AFG1L: variants seen among roughly 807,000 people sequenced by gnomAD.
AFG1L encodes AFG1-like ATPase.
A neutral mutation model predicts 62.2 loss-of-function variants in AFG1L; 53 were observed. The observed-to-expected ratio is 0.85, with a 90% CI of 0.68 to 1.07. AFG1L has a LOEUF of 1.07. AFG1L is among the 50% of genes least tolerant of loss of function. The pLI is 0.00. For missense variants in AFG1L, 555 were observed against 590.5 expected, an observed-to-expected ratio of 0.94 and a Z score of 0.62; for synonymous variants, 228 against 210.3, an observed-to-expected ratio of 1.08 and a Z score of -0.73.
At chr6:108,371,359 T>C (rs1193228705) in intron 6 of AFG1L, among the ~76,000 whole-genome samples, 2 of 152,082 alleles carry the variant, frequency 1.3e-5, no homozygotes, top group Non-Finnish European at 2.9e-5. Flanking sequence ...GGAAAATTGC[T>C]TGAGCGCAGG....
At chr6:108,331,560 G>A (rs1336563555) in intron 2 of AFG1L, among the ~76,000 whole-genome samples, 1 of 152,110 alleles carries the variant, frequency 6.6e-6, no homozygotes, top group Admixed American at 6.5e-5. Flanking sequence ...TGCCATATGA[G>A]CAACAAACTA....
At chr6:108,520,328 C>G (rs955807569) in intron 12 of AFG1L, 6 of 153,026 alleles carry the variant, frequency 3.9e-5, no homozygotes, top group African/African-American at 1.4e-4. Flanking sequence ...CTCCATTCTG[C>G]AAACATTTAT....
intron 8 of AFG1L, among the ~76,000 whole-genome samples, chr6:108,471,935 A>G (rs1295685396): frequency 6.6e-6 from 1 of 152,220 alleles, no homozygotes; most frequent in African/African-American, 2.4e-5. Flanking sequence ...GTTAAAAAGT[A>G]TCTAAGGACG....
intron 7 of AFG1L, among the ~76,000 whole-genome samples, chr6:108,415,876 T>G (rs1770241587): frequency 6.6e-6 from 1 of 152,158 alleles, no homozygotes. Context: ...ACTTCACGTC[T>G]AAAACACCAA....
intron 7 of AFG1L, among the ~76,000 whole-genome samples, chr6:108,429,811 A>C (rs76466750): frequency 0.02 from 3,034 of 152,170 alleles, 96 homozygotes; most frequent in African/African-American, 0.069. Flanking sequence ...TTCTGTGGAA[A>C]ATTGCTTTGC....
intron 6 of AFG1L, among the ~76,000 whole-genome samples, chr6:108,379,306 G>A (rs904720120): frequency 3.3e-5 from 5 of 152,082 alleles, no homozygotes; most frequent in South Asian, 4.1e-4. Context: ...CACCGCGCCC[G>A]GCTGCCCTAT....
chr6:108,299,469 T>C (rs1048065538), intron 1 of AFG1L, among the ~76,000 whole-genome samples: 1 of 152,108 alleles, frequency 6.6e-6, no homozygotes, highest in African/African-American at 2.4e-5. Context: ...AACTAAATGA[T>C]AGGGCCAAAG....
intron 7 of AFG1L, among the ~76,000 whole-genome samples, chr6:108,427,057 T>C (rs1307421473): frequency 6.6e-6 from 1 of 152,196 alleles, no homozygotes; most frequent in Non-Finnish European, 1.5e-5. Flanking sequence ...CTAAAGATCT[T>C]TTGATATTAG....
rs5878977 is a variant in AFG1L at position 108,431,597 on chromosome 6, CTTTTTTTTTTT to C, written c.808-15607_808-15597del. Among the ~76,000 whole-genome samples the C allele has an allele frequency of 3.0e-5, 3 of 98,440 alleles. No individual in the cohort carries two copies. The East Asian group carries it at 8.3e-4, about 27-fold the overall frequency. The allele number at this position is 98,440 out of a possible 152,430, so 64.6% of individuals were successfully genotyped here. On this transcript the variant is annotated intron_variant, in intron 7 of 12. Coordinates refer to ENST00000368977, the MANE Select transcript of AFG1L (RefSeq NM_145315.5). The stretch of plus-strand genomic sequence containing the variant: ...TCAGATGTTTCACCTTTCTTTGTTG[CTTTTTTTTTTT>C]TTTTTTTTTGAGACTGAGTTTTGCT...
At chr6:108,365,356 T>A (rs1779712277) in intron 5 of AFG1L, among the ~76,000 whole-genome samples, 1 of 152,144 alleles carries the variant, frequency 6.6e-6, no homozygotes, top group Non-Finnish European at 1.5e-5. Context: ...ATTGTGAATT[T>A]AAAAAATAAT....
chr6:108,393,601 G>C (rs1358594829), intron 6 of AFG1L, among the ~76,000 whole-genome samples: 1 of 152,010 alleles, frequency 6.6e-6, no homozygotes, highest in Non-Finnish European at 1.5e-5. Flanking sequence ...TATTACAAGT[G>C]GGTCTTTACA....
chr6:108,451,864 G>A (rs946333365), intron 8 of AFG1L, among the ~76,000 whole-genome samples: 1 of 152,022 alleles, frequency 6.6e-6, no homozygotes, highest in Non-Finnish European at 1.5e-5. Flanking sequence ...ACAGGCACAC[G>A]CCACCACACC....
Position 108,401,883 on chromosome 6 carries a change from T to A in AFG1L, c.749-113T>A, listed in dbSNP as rs1470415862. On this transcript the variant is annotated intron_variant, in intron 6 of 12. Transcript: ENST00000368977. ...ATCAATTTTGGTCTTTTTTTCTTTT[T>A]GCTCCTTTATCTTTTTTTTTAATCA... The A allele has an allele frequency of 1.3e-5, 7 of 550,014 alleles. No individual in the cohort carries two copies. In the African/African-American group the frequency reaches 1.4e-4, roughly 11 times the overall value. 34.1% of individuals were successfully genotyped at this position (550,014 alleles called of 1,614,324 possible). A position where few individuals can be genotyped will look rare whatever the true frequency, so the allele number is the denominator to read the frequency against.
chr6:108,477,040 G>A lies in AFG1L; in HGVS notation c.961+105G>A, dbSNP rs931270524. On this transcript the variant is annotated intron_variant, in intron 9 of 12. Transcript: ENST00000368977. ...ATTGCTGTATATGGGTTGATGCCACGCTCAAGTGGCAGTCATTGTATCAGC... is the reference window on the plus strand; with the variant it reads ...ATTGCTGTATATGGGTTGATGCCACACTCAAGTGGCAGTCATTGTATCAGC... 2.0e-5 allele frequency: 21 copies of A among 1,073,714 alleles called. No homozygotes were observed. The East Asian group carries it at 2.2e-4, about 11-fold the overall frequency. The allele number at this position is 1,073,714 out of a possible 1,614,324, so 66.5% of individuals were successfully genotyped here.
chr6:108,474,713 C>T (rs1473819272), intron 8 of AFG1L, among the ~76,000 whole-genome samples: 4 of 152,314 alleles, frequency 2.6e-5, no homozygotes, highest in Admixed American at 1.3e-4. Flanking sequence ...ATGTCCTTTG[C>T]TCACTTTTTG....
intron 1 of AFG1L, among the ~76,000 whole-genome samples, chr6:108,323,371 A>T (rs575447): frequency 0.3 from 45,255 of 150,322 alleles, 10,314 homozygotes; most frequent in African/African-American, 0.63. Context: ...TTGTTTAATT[A>T]TTTTTTTTTT....
chr6:108,518,176 T>C (rs958707309), intron 11 of AFG1L, among the ~76,000 whole-genome samples: 12 of 152,154 alleles, frequency 7.9e-5, no homozygotes, highest in African/African-American at 2.2e-4. Context: ...GGATGATAAA[T>C]CATGCTGCTA....
chr6:108,297,471 A>G (rs905819876), intron 1 of AFG1L, among the ~76,000 whole-genome samples: 1 of 152,200 alleles, frequency 6.6e-6, no homozygotes, highest in Non-Finnish European at 1.5e-5. Flanking sequence ...TCTGATTTAC[A>G]AATCGATTTT....
chr6:108,395,904 C>T (rs1781277664), intron 6 of AFG1L, among the ~76,000 whole-genome samples: 1 of 152,000 alleles, frequency 6.6e-6, no homozygotes, highest in Non-Finnish European at 1.5e-5. Context: ...AGAGCAGTGG[C>T]ACTATCCAGC....
Sources: allele counts gnomAD v4.1 joint callset (sites outside exome capture counted in the v4.1 genomes callset), GRCh38; gene constraint gnomAD v4.1.1; transcripts MANE v1.5; gene names NCBI Gene and HGNC (gene_info 2026-07-23, HGNC 2026-07-21).